RECK: variants seen among roughly 807,000 people sequenced by gnomAD.
The protein encoded by RECK is reversion inducing cysteine rich protein with kazal motifs.
RECK carries 69 observed loss-of-function variants against 115.1 expected under a neutral mutation model. That is an observed-to-expected ratio of 0.60 (90% CI 0.49 to 0.73). RECK has a LOEUF of 0.73. Ranked by LOEUF, RECK falls within the 30% of genes least tolerant of loss-of-function variation. RECK has a pLI of 0.00. For missense variants in RECK, 1,047 were observed against 1,203.7 expected, an observed-to-expected ratio of 0.87 and a Z score of 1.93; for synonymous variants, 414 against 419.7, an observed-to-expected ratio of 0.99 and a Z score of 0.17.
chr9:36,074,336 T>C (rs763088356), intron 6 of RECK, among the ~76,000 whole-genome samples: 1 of 152,220 alleles, frequency 6.6e-6, no homozygotes, highest in Non-Finnish European at 1.5e-5. Context: ...ATTGAACTGA[T>C]ACACACTGAA....
Position 36,087,797 on chromosome 9 carries a change from C to T in RECK, c.741C>T (p.Ile247=), listed in dbSNP as rs762437351. Residue 247 remains isoleucine, a synonymous_variant, in exon 9 of 21, where the codon ATC becomes ATT. Transcript: ENST00000377966. ...AAATGGAGATTGTTGATGGTCTCAT[C>T]GAGGGTTGTAAGACCCAGCCCTTGC... ...KTEMEIVDGL[I]EGCKTQPLPQ... is the part of the protein sequence containing the mutation. 24 of 1,613,854 alleles carry T rather than the reference C, an allele frequency of 1.5e-5. No individual in the cohort carries two copies. Among genetic ancestry groups the T allele is most frequent in the African/African-American group, 4.0e-5 (3 of 74,910 alleles).
At chr9:36,047,809 C>CAAA (rs148573065) in intron 1 of RECK, among the ~76,000 whole-genome samples, 1 of 83,498 alleles carries the variant, frequency 1.2e-5, no homozygotes, top group Non-Finnish European at 2.9e-5. Flanking sequence ...AAGCCAGTCT[C>CAAA]AAAAAAAAAA....
intron 12 of RECK, among the ~76,000 whole-genome samples, chr9:36,104,303 TATATATATATATATATATATATA>T (rs1357369812): frequency 3.2e-5 from 2 of 62,714 alleles, no homozygotes; most frequent in African/African-American, 8.7e-5. Context: ...TATATATATA[TATATATATATATATATATATATA>T]TTTTTTTTTT....
rs1824461671 is a variant in RECK at position 36,121,579 on chromosome 9, T to C, written c.2585T>C (p.Ile862Thr). 9 of 1,614,062 alleles carry C rather than the reference T, an allele frequency of 5.6e-6. No homozygotes were observed. The highest frequency in any genetic ancestry group is 6.8e-6 in the Non-Finnish European group (8 of 1,179,956). Residue 862 changes from isoleucine to threonine, a missense_variant, in exon 20 of 21, where the codon ATC (isoleucine) becomes ACC (threonine). Coordinates refer to ENST00000377966, the MANE Select transcript of RECK (RefSeq NM_021111.3). The stretch of plus-strand genomic sequence containing the variant: ...ACAGTTCTGGAAATACTTCAGAAAA[T>C]CCGCATGCACGTGTCTGTCCCACAG... ...PITVLEILQK[I>T]RMHVSVPQCD...
At chr9:36,065,773 G>A (rs527899126) in intron 6 of RECK, 149 bp downstream of exon 6, 1 of 538,158 alleles carries the variant, frequency 1.9e-6, no homozygotes, top group Non-Finnish European at 3.0e-6. Flanking sequence ...GTCATTTACT[G>A]TGTTCGGAAA....
In RECK at chr9:36,117,055, C is replaced by T; in HGVS notation, c.2131C>T (p.Pro711Ser). ...KFGCSQYECVPRQLACDQVQD... is the reference protein window; with the variant it reads ...KFGCSQYECVSRQLACDQVQD... The stretch of plus-strand genomic sequence containing the variant: ...TGGATGTAGCCAGTATGAGTGTGTA[C>T]CAAGACAGCTCGCGTGTGACCAGGT... Residue 711 changes from proline (P) to serine (S), a missense_variant, in exon 17 of 21, where the codon CCA becomes TCA. By Grantham distance (74) the Pro-to-Ser change is moderately conservative (BLOSUM62 -1). Coordinates refer to ENST00000377966, the MANE Select transcript of RECK (RefSeq NM_021111.3). 6.2e-7 allele frequency: 1 copy of T among 1,614,096 alleles called. No homozygotes were observed. Among genetic ancestry groups the T allele is most frequent in the South Asian group, 1.1e-5 (1 of 91,080 alleles).
At position 36,049,567 on chromosome 9, in the gene RECK, G is replaced by A. The variant is rs188199722; in HGVS notation, c.101-2698G>A. Among the ~76,000 whole-genome samples, 378 of 152,256 alleles carry A rather than the reference G, an allele frequency of 2.5e-3. 1 individual carries two copies. The highest frequency in any genetic ancestry group is 8.9e-3 in the African/African-American group (368 of 41,554). On this transcript the variant is annotated intron_variant, in intron 1 of 20. Coordinates refer to ENST00000377966, the MANE Select transcript of RECK (RefSeq NM_021111.3). ...CTTGTGTTGAACCACATTCAAAGCT[G>A]GGCCTGGGCCACATGCAGCCCATGG...
chr9:36,063,780 C>T lies in RECK; in HGVS notation c.272-15C>T. 1 of 1,612,406 alleles carries T rather than the reference C, an allele frequency of 6.2e-7. No homozygotes were observed. Among genetic ancestry groups the T allele is most frequent in the East Asian group, 2.2e-5 (1 of 44,838 alleles). ...GCTACTTATGACCAAAACATTTAAA[C>T]ATTTTGTTTTTAAGGTGTGTTTAAG... On this transcript the variant is annotated splice_polypyrimidine_tract_variant and intron_variant, in intron 4 of 20. Coordinates refer to ENST00000377966, the MANE Select transcript of RECK (RefSeq NM_021111.3).
In RECK at chr9:36,045,436, A is replaced by G. The variant is rs1194055402; in HGVS notation, c.101-6829A>G. ...TAAATTTGAATGATCTTTTTCCAGT[A>G]TCAACTCAGATTTAGTTTTTTTCTC... On this transcript the variant is annotated intron_variant, in intron 1 of 20. Coordinates refer to ENST00000377966, the MANE Select transcript of RECK (RefSeq NM_021111.3). 6.6e-5 allele frequency among the ~76,000 whole-genome samples: 10 copies of G among 152,264 alleles called. No individual in the cohort carries two copies. The East Asian group carries it at 1.9e-3, about 29-fold the overall frequency.
Position 36,110,008 on chromosome 9 carries a change from G to C in RECK, c.1817G>C (p.Gly606Ala), listed in dbSNP as rs1487206734. ...TGCAATGTCTGTTCTTGTTTTGCTG[G>C]CAATTTGGTGTGCTCTACCCGCCTT... ...IDCNVCSCFA[G>A]NLVCSTRLCL... Residue 606 changes from glycine to alanine, a missense_variant, in exon 15 of 21, where the codon GGC becomes GCC. Coordinates refer to ENST00000377966, the MANE Select transcript of RECK (RefSeq NM_021111.3). 6.2e-7 allele frequency: 1 copy of C among 1,613,654 alleles called. No individual in the cohort carries two copies. The highest frequency in any genetic ancestry group is 1.3e-5 in the African/African-American group (1 of 74,884).
chr9:36,051,330 A>G (rs914242014), intron 1 of RECK, among the ~76,000 whole-genome samples: 3 of 152,184 alleles, frequency 2.0e-5, no homozygotes, highest in Non-Finnish European at 4.4e-5. Context: ...AAAAGGGAGA[A>G]AAAATCTTGG....
In RECK at chr9:36,084,716, T is replaced by TGAAGGGAG. The variant is rs552945844; in HGVS notation, c.637+1164_637+1171dup. On this transcript the variant is annotated intron_variant, in intron 8 of 20. Coordinates refer to ENST00000377966, the MANE Select transcript of RECK (RefSeq NM_021111.3). Reference sequence around the variant, plus strand: ...CAGGAAGGAAGAAGGAAGGAAGGGATGAAGGGAGGAAGGGAGGGAGGGAGG... The same window carrying TGAAGGGAG: ...CAGGAAGGAAGAAGGAAGGAAGGGATGAAGGGAGGAAGGGAGGAAGGGAGGGAGGGAGG... Among the ~76,000 whole-genome samples the TGAAGGGAG allele has an allele frequency of 4.1e-3, 503 of 122,078 alleles. 3 individuals carry two copies. The highest frequency in any genetic ancestry group is 0.015 in the African/African-American group (485 of 31,950). 80.1% of individuals were successfully genotyped at this position (122,078 alleles called of 152,430 possible).
At chr9:36,104,302 A>G (rs1362178915) in intron 12 of RECK, among the ~76,000 whole-genome samples, 1,372 of 53,266 alleles carry the variant, frequency 0.026, 65 homozygotes, top group African/African-American at 0.13. Context: ...GTATATATAT[A>G]TATATATATA....
At chr9:36,104,292 G>GTGTGTA (rs34438663) in intron 12 of RECK, among the ~76,000 whole-genome samples, 871 of 43,684 alleles carry the variant, frequency 0.02, 8 homozygotes, top group Non-Finnish European at 0.028. Context: ...GTGTGTGTGT[G>GTGTGTA]TATATATATA....
chr9:36,081,560 G>A (rs1312854325), intron 7 of RECK, among the ~76,000 whole-genome samples: 1 of 152,154 alleles, frequency 6.6e-6, no homozygotes, highest in East Asian at 1.9e-4. Flanking sequence ...TTGGCCAGGC[G>A]CTGTGGCTCA....
intron 1 of RECK, among the ~76,000 whole-genome samples, chr9:36,041,037 T>C (rs558955845): frequency 6.6e-6 from 1 of 152,292 alleles, no homozygotes; most frequent in African/African-American, 2.4e-5. Context: ...AGCAAATATT[T>C]ATTAAACTAT....
intron 8 of RECK, chr9:36,085,725 A>G (rs1485323999): frequency 6.6e-6 from 1 of 152,150 alleles, no homozygotes; most frequent in Admixed American, 6.5e-5. Flanking sequence ...TCGGGGGGAA[A>G]AAAAAAGATG....
intron 2 of RECK, among the ~76,000 whole-genome samples, chr9:36,056,600 A>T (rs1482675995): frequency 6.6e-6 from 1 of 152,240 alleles, no homozygotes; most frequent in Non-Finnish European, 1.5e-5. Context: ...TTCTACAATG[A>T]TGAAAATATT....
chr9:36,093,760 C>CT (rs1823245591), intron 10 of RECK, among the ~76,000 whole-genome samples: 1 of 152,052 alleles, frequency 6.6e-6, no homozygotes. Context: ...TTAGTAAACG[C>CT]TAAGTCAGAT....
Sources: gnomAD v4.1 joint callset for allele counts (sites outside exome capture counted in the v4.1 genomes callset) on GRCh38, gnomAD v4.1.1 for gene constraint, MANE v1.5 for transcripts, NCBI Gene and HGNC (gene_info 2026-07-23, HGNC 2026-07-21) for gene names.